The following PRKCQ variants were observed in gnomAD, a reference collection of about 807,000 sequenced individuals.
The protein encoded by PRKCQ is protein kinase C theta, also known as protein kinase C theta type.
Under a neutral mutation model 91.2 loss-of-function variants are expected in PRKCQ, and 41 were observed. That is an observed-to-expected ratio of 0.45 (90% CI 0.35 to 0.58). PRKCQ has a LOEUF of 0.58. Among genes scored for constraint, PRKCQ ranks in the 20% least tolerant of loss-of-function variants. The pLI is 0.00. For synonymous variants in PRKCQ, 307 were observed against 316.9 expected, an observed-to-expected ratio of 0.97 and a Z score of 0.33; for missense variants, 673 against 896.5, an observed-to-expected ratio of 0.75 and a Z score of 3.18.
At chr10:6,547,794 G>C (rs1181185425) in intron 1 of PRKCQ, among the ~76,000 whole-genome samples, 2 of 151,680 alleles carry the variant, frequency 1.3e-5, no homozygotes, top group Admixed American at 6.6e-5. Flanking sequence ...AGAAAACCTA[G>C]GCATTACCAT....
chr10:6,397,390 G>A, the PRKCQ span, among the ~76,000 whole-genome samples: 4 of 145,220 alleles, frequency 2.8e-5, no homozygotes, highest in Admixed American at 7.2e-5. Context: ...CACCATGTCC[G>A]ACCCCTTTGC....
chr10:6,463,394 G>A (rs77765153), intron 13 of PRKCQ, among the ~76,000 whole-genome samples: 1,726 of 152,274 alleles, frequency 0.011, 29 homozygotes, highest in African/African-American at 0.039. Flanking sequence ...GGGCTGGCTG[G>A]AGACGACAGT....
intron 14 of PRKCQ, among the ~76,000 whole-genome samples, chr10:6,457,061 C>A (rs1176309235): frequency 6.6e-6 from 1 of 152,130 alleles, no homozygotes; most frequent in Non-Finnish European, 1.5e-5. Context: ...GGACAGAGCA[C>A]CCATACCCAT....
At chr10:6,534,905 G>A (rs1236601881) in intron 1 of PRKCQ, among the ~76,000 whole-genome samples, 1 of 151,332 alleles carries the variant, frequency 6.6e-6, no homozygotes, top group Non-Finnish European at 1.5e-5. Flanking sequence ...ATTTTAACTA[G>A]TTCTTTTTGG....
Position 6,485,167 on chromosome 10 carries a change from T to C in PRKCQ, c.1003A>G (p.Thr335Ala). The C allele has an allele frequency of 6.2e-7, 1 of 1,613,864 alleles. No homozygotes were observed. Among genetic ancestry groups the C allele is most frequent in the Non-Finnish European group, 8.5e-7 (1 of 1,179,830 alleles). ...GGACAGCTACCTCTTTTTCCCGGTG[T>C]CGGTAAACATGGCGGCCTTGCTTCA... ...KNEARPPCLPTPGKREPQGIS... is the reference protein window; with the variant it reads ...KNEARPPCLPAPGKREPQGIS... The change falls in exon 10 of 18, where the codon ACA (threonine) becomes GCA (alanine). Residue 335 changes from threonine to alanine, a missense_variant. Transcript: ENST00000263125.
the PRKCQ span, among the ~76,000 whole-genome samples, chr10:6,410,000 GGAA>G: frequency 2.0e-5 from 3 of 152,312 alleles, no homozygotes; most frequent in Admixed American, 1.3e-4. Flanking sequence ...CTTCTCCATT[GGAA>G]GAAGATTGGC....
chr10:6,445,547 A>G (rs1834235892), intron 15 of PRKCQ, among the ~76,000 whole-genome samples: 1 of 152,202 alleles, frequency 6.6e-6, no homozygotes, highest in African/African-American at 2.4e-5. Context: ...CAAAGTCAAG[A>G]TGATTTGTCT....
At chr10:6,431,332 G>A (rs1297826746) in intron 16 of PRKCQ, among the ~76,000 whole-genome samples, 3 of 152,026 alleles carry the variant, frequency 2.0e-5, no homozygotes, top group Admixed American at 6.6e-5. Context: ...AGGCACACAC[G>A]TGCACACAGA....
chr10:6,403,575 A>G, the PRKCQ span, among the ~76,000 whole-genome samples: 6 of 152,148 alleles, frequency 3.9e-5, no homozygotes, highest in Non-Finnish European at 7.3e-5. Flanking sequence ...CCACAGAAAC[A>G]AAGCTTCTCC....
intron 1 of PRKCQ, among the ~76,000 whole-genome samples, chr10:6,553,240 A>T (rs1033339843): frequency 6.6e-6 from 1 of 152,224 alleles, no homozygotes; most frequent in South Asian, 2.1e-4. Context: ...TGCAGATTCC[A>T]TCGGAATAGA....
chr10:6,419,040 TC>T, the PRKCQ span, among the ~76,000 whole-genome samples: 2 of 148,418 alleles, frequency 1.3e-5, no homozygotes, highest in African/African-American at 4.9e-5. Context: ...CTACCTATCA[TC>T]CATCTATCTC....
At chr10:6,515,211 T>A (rs1162216363) in intron 1 of PRKCQ, 67 bp from the exon 2 acceptor site, 2 of 1,602,986 alleles carry the variant, frequency 1.2e-6, no homozygotes, top group Non-Finnish European at 1.7e-6. Flanking sequence ...GTGCCCCATG[T>A]CTACTTAACC....
the PRKCQ span, among the ~76,000 whole-genome samples, chr10:6,404,262 G>GAGAGAGAGAGAGAC: frequency 7.2e-6 from 1 of 138,192 alleles, no homozygotes; most frequent in African/African-American, 2.9e-5. Context: ...GGGGGAGAGA[G>GAGAGAGAGAGAGAC]AGAGAGAGAG....
At chr10:6,524,654 T>G (rs1839133156) in intron 1 of PRKCQ, among the ~76,000 whole-genome samples, 1 of 152,222 alleles carries the variant, frequency 6.6e-6, no homozygotes, top group African/African-American at 2.4e-5. Flanking sequence ...CAAAGCGACA[T>G]ACAAATAAAA....
chr10:6,404,937 C>CCTT, the PRKCQ span, among the ~76,000 whole-genome samples: 68 of 83,740 alleles, frequency 8.1e-4, no homozygotes, highest in African/African-American at 3.1e-3. Context: ...CCCTTCCCTT[C>CCTT]CCTTCCTTCC....
rs190327203 is a variant in PRKCQ at position 6,486,804 on chromosome 10, T to C, written c.791-660A>G. ...AACATCCCCTTTCCCACCTGGGCCA[T>C]GAAGAGCTTCCCCCAGCCTTTAGGT... is the stretch of plus-strand genomic sequence containing the variant. On this transcript the variant is annotated intron_variant, in intron 8 of 17. Transcript: ENST00000263125. 3.0e-3 allele frequency among the ~76,000 whole-genome samples: 456 copies of C among 152,258 alleles called. 5 individuals are homozygous for C. Among genetic ancestry groups the C allele is most frequent in the African/African-American group, 0.011 (438 of 41,542 alleles).
chr10:6,556,797 G>A (rs1320501109), intron 1 of PRKCQ, among the ~76,000 whole-genome samples: 3 of 151,646 alleles, frequency 2.0e-5, no homozygotes, highest in Non-Finnish European at 4.4e-5. Context: ...TTTCCTAAAC[G>A]GGCTGTCCCA....
At chr10:6,539,405 C>T (rs1404962487) in intron 1 of PRKCQ, among the ~76,000 whole-genome samples, 1 of 152,044 alleles carries the variant, frequency 6.6e-6, no homozygotes, top group Non-Finnish European at 1.5e-5. Flanking sequence ...TCAGCCACAG[C>T]ATTAGAGTTT....
In PRKCQ at chr10:6,552,753, C is replaced by T. The variant is rs770442513; in HGVS notation, c.-10+27458G>A. Among the ~76,000 whole-genome samples the T allele has an allele frequency of 7.9e-5, 12 of 152,206 alleles. No homozygotes were observed. The East Asian group carries it at 1.2e-3, about 15-fold the overall frequency. On this transcript the variant is annotated intron_variant, in intron 1 of 17. Transcript: ENST00000263125. ...AAGTGCTGGGATCACAGGTGTGAGT[C>T]GCTGCACCCAACCAAACTTTTTACT...
Sources: gnomAD v4.1 joint callset for allele counts (sites outside exome capture counted in the v4.1 genomes callset) on GRCh38, gnomAD v4.1.1 for gene constraint, MANE v1.5 for transcripts, NCBI Gene and HGNC (gene_info 2026-07-23, HGNC 2026-07-21) for gene names.